Variants in DIP2C observed in about 807,000 individuals in gnomAD.
The protein encoded by DIP2C is DIP2 acetate--CoA ligase C (putative).
Under a neutral mutation model 192.4 loss-of-function variants are expected in DIP2C, and 33 were observed. The ratio of observed to expected loss-of-function variants is 0.17; its 90% CI spans 0.13 to 0.23. The LOEUF is 0.23. Ranked by LOEUF, DIP2C falls within the 10% of genes least tolerant of loss-of-function variation. The pLI, the probability that DIP2C is intolerant of heterozygous loss-of-function variation, is 1.00. For synonymous variants in DIP2C, 979 were observed against 864.1 expected (o/e 1.13, Z -2.33); for missense variants, 1,537 against 2,110.1 (o/e 0.73, Z 5.32).
In DIP2C at chr10:275,865, C is replaced by T. The variant is rs1359783089; in HGVS notation, c.*1460G>A. 6.6e-6 allele frequency: 1 copy of T among 152,228 alleles called. No individual in the cohort carries two copies. The highest frequency in any genetic ancestry group is 2.4e-5 in the African/African-American group (1 of 41,464). 9.4% of individuals were successfully genotyped at this position (152,228 alleles called of 1,614,324 possible). ...GACGCAGCTGGAGGACTTCTTGCTT[C>T]AGCCGGAGCTCTGGCATGAACCCCC... On this transcript the variant is annotated 3_prime_UTR_variant, in exon 37 of 37. Transcript: ENST00000280886.
At chr10:383,925 GAA>G in intron 16 of DIP2C, 100 bp downstream of exon 16, 1 of 1,354,484 alleles carries the variant, frequency 7.4e-7, no homozygotes, top group East Asian at 3.0e-5. Context: ...GAAACCTGGG[GAA>G]AAAATAAAAA....
In DIP2C at chr10:547,755, C is replaced by G. The variant is rs181888091; in HGVS notation, c.86-61225G>C. 1.4e-3 allele frequency among the ~76,000 whole-genome samples: 208 copies of G among 152,300 alleles called. 2 individuals carry two copies. Among genetic ancestry groups the G allele is most frequent in the African/African-American group, 4.9e-3 (204 of 41,562 alleles). On this transcript the variant is annotated intron_variant, in intron 1 of 36. Transcript: ENST00000280886. ...CAGAAATCATCCTCAAATCATCTCT[C>G]AGTTTATACATGTGATAAAATCTCA...
chr10:487,119 G>A (rs947731581), intron 1 of DIP2C, among the ~76,000 whole-genome samples: 1 of 152,170 alleles, frequency 6.6e-6, no homozygotes, highest in East Asian at 1.9e-4. Context: ...AAAGCTCACA[G>A]ACAGCCACGG....
At chr10:295,331 G>A (rs7086321) in intron 32 of DIP2C, among the ~76,000 whole-genome samples, 28,321 of 151,926 alleles carry the variant, frequency 0.19, 2,974 homozygotes, top group African/African-American at 0.28. Context: ...GGAGGCCGAG[G>A]TGGGTGGATC....
intron 1 of DIP2C, among the ~76,000 whole-genome samples, chr10:672,468 C>G (rs1267270138): frequency 6.6e-6 from 1 of 152,234 alleles, no homozygotes; most frequent in Non-Finnish European, 1.5e-5. Context: ...TGCCGCCCAC[C>G]CCAGAGGCGA....
chr10:527,338 C>G (rs1239713360), intron 1 of DIP2C, among the ~76,000 whole-genome samples: 2 of 152,224 alleles, frequency 1.3e-5, no homozygotes, highest in Non-Finnish European at 2.9e-5. Context: ...CACACCTCAG[C>G]AAATATTGCT....
chr10:607,597 T>G (rs1296676804), intron 1 of DIP2C, among the ~76,000 whole-genome samples: 1 of 152,174 alleles, frequency 6.6e-6, no homozygotes. Flanking sequence ...AAATAGAAAG[T>G]GCATTTGACA....
intron 34 of DIP2C, among the ~76,000 whole-genome samples, chr10:284,603 G>A (rs1170925898): frequency 6.6e-6 from 1 of 152,214 alleles, no homozygotes; most frequent in Non-Finnish European, 1.5e-5. Context: ...AGTGGCAAGG[G>A]GGAGATGACG....
chr10:534,601 A>C (rs1847589862), intron 1 of DIP2C, among the ~76,000 whole-genome samples: 1 of 152,202 alleles, frequency 6.6e-6, no homozygotes, highest in Non-Finnish European at 1.5e-5. Flanking sequence ...GTTATTCAGG[A>C]AACTACCTTC....
intron 1 of DIP2C, among the ~76,000 whole-genome samples, chr10:579,974 A>C (rs896095931): frequency 6.6e-6 from 1 of 151,662 alleles, no homozygotes; most frequent in African/African-American, 2.4e-5. Context: ...GCCATAGCCA[A>C]TGTACATATA....
At position 390,459 on chromosome 10, in the gene DIP2C, A is replaced by C; in HGVS notation, c.1385-86T>G. On this transcript the variant is annotated intron_variant, in intron 11 of 36. Coordinates refer to ENST00000280886, the MANE Select transcript of DIP2C (RefSeq NM_014974.3). ...CTCCCCATTTATGTGGTACCCTTTCAAACACGTCAACTAGATCGAATCTCT... is the reference window on the plus strand; with the variant it reads ...CTCCCCATTTATGTGGTACCCTTTCCAACACGTCAACTAGATCGAATCTCT... 4.6e-6 allele frequency: 6 copies of C among 1,305,468 alleles called. 1 individual carries two copies. The South Asian group carries it at 6.0e-5, about 13-fold the overall frequency. 80.9% of individuals were successfully genotyped at this position (1,305,468 alleles called of 1,614,324 possible). A position where few individuals can be genotyped will look rare whatever the true frequency, so the allele number is the denominator to read the frequency against.
chr10:555,658 T>TG (rs1190567234), intron 1 of DIP2C, among the ~76,000 whole-genome samples: 5 of 152,308 alleles, frequency 3.3e-5, no homozygotes, highest in African/African-American at 9.6e-5. Context: ...GGGAACCTCC[T>TG]GGCCTGGCAG....
Position 579,501 on chromosome 10 carries a change from ATG to A in DIP2C, c.86-92973_86-92972del, listed in dbSNP as rs1056131651. ...TCCAGTGTACAAACATAAGTGCACT[ATG>A]TGTGTACATGCAGAGAGCATACACA... On this transcript the variant is annotated intron_variant, in intron 1 of 36. Transcript: ENST00000280886. Among the ~76,000 whole-genome samples the A allele has an allele frequency of 3.9e-5, 6 of 152,008 alleles. No homozygotes were observed. The South Asian group carries it at 1.0e-3, about 26-fold the overall frequency.
At chr10:599,513 A>G (rs1055397687) in intron 1 of DIP2C, among the ~76,000 whole-genome samples, 2 of 152,232 alleles carry the variant, frequency 1.3e-5, no homozygotes, top group Admixed American at 6.5e-5. Flanking sequence ...CGAAGGAAGC[A>G]GCAGTGGTCA....
chr10:349,434 C>G lies in DIP2C; in HGVS notation c.3006G>C (p.Leu1002=), dbSNP rs1958683877. ...CTCTCTTGTGCAGCTGCACGCAGGT[C>G]AGCGAGTTCGCTATCGCACCCTGCG... ...LNCRGAIANS[L]TCVQLHKRAE... The change falls in exon 25 of 37, where the codon CTG becomes CTC. Residue 1002 remains leucine (L), a synonymous_variant. Transcript: ENST00000280886. 3 of 1,608,594 alleles carry G rather than the reference C, an allele frequency of 1.9e-6. No homozygotes were observed. The highest frequency in any genetic ancestry group is 1.6e-4 in the Middle Eastern group (1 of 6,074).
At chr10:343,506 G>A (rs575222702) in intron 28 of DIP2C, among the ~76,000 whole-genome samples, 2 of 152,290 alleles carry the variant, frequency 1.3e-5, no homozygotes, top group East Asian at 3.9e-4. Flanking sequence ...CTGGGAGAAG[G>A]TTTCGTAACT....
rs1243702313 is a variant in DIP2C at position 663,013 on chromosome 10, G to A, written c.85+26481C>T. The A allele has an allele frequency of 8.5e-6, 6 of 702,958 alleles. No individual in the cohort carries two copies. The African/African-American group carries it at 1.1e-4, about 12-fold the overall frequency. 43.5% of individuals were successfully genotyped at this position (702,958 alleles called of 1,614,324 possible). A position where few individuals can be genotyped will look rare whatever the true frequency, so the allele number is the denominator to read the frequency against. Reference sequence around the variant, plus strand: ...GAACGTCACACAAAAGGGTTTCTATGTCCAGGAAAGACTCTAAACACTCTG... The same window carrying A: ...GAACGTCACACAAAAGGGTTTCTATATCCAGGAAAGACTCTAAACACTCTG... On this transcript the variant is annotated intron_variant, in intron 1 of 36. Transcript: ENST00000280886.
At chr10:663,950 A>G (rs114309625) in intron 1 of DIP2C, 526 of 144,600 alleles carry the variant, frequency 3.6e-3, no homozygotes, top group African/African-American at 0.014. Flanking sequence ...GGTGGGAGGC[A>G]GGGGTGACGC....
At chr10:565,221 C>A (rs902506492) in intron 1 of DIP2C, among the ~76,000 whole-genome samples, 1 of 152,118 alleles carries the variant, frequency 6.6e-6, no homozygotes, top group African/African-American at 2.4e-5. Context: ...AATGTCCTCT[C>A]TGTACAAAGC....
Sources: allele counts gnomAD v4.1 joint callset (sites outside exome capture counted in the v4.1 genomes callset), GRCh38; gene constraint gnomAD v4.1.1; transcripts MANE v1.5; gene names NCBI Gene and HGNC (gene_info 2026-07-23, HGNC 2026-07-21).